NUP133: variants seen among roughly 807,000 people sequenced by gnomAD.
The protein encoded by NUP133 is nucleoporin 133, also known as nuclear pore complex protein Nup133.
In NUP133, 66 loss-of-function variants were observed where a neutral mutation model predicts 146.2. The ratio of observed to expected loss-of-function variants is 0.45; its 90% CI spans 0.37 to 0.55. The LOEUF is 0.55. Among genes scored for constraint, NUP133 ranks in the 20% least tolerant of loss-of-function variants. The pLI is 0.00. For synonymous variants in NUP133, 521 were observed against 498.8 expected (o/e 1.04, Z -0.59); for missense variants, 1,277 against 1,374.8 (o/e 0.93, Z 1.12).
intron 6 of NUP133, among the ~76,000 whole-genome samples, chr1:229,497,860 T>C (rs187704479): frequency 1.0e-3 from 153 of 152,328 alleles, no homozygotes; most frequent in African/African-American, 3.5e-3. Context: ...AATTAATCTT[T>C]AAGAAACACA....
At chr1:229,506,449 GTTT>G (rs35852954) in intron 1 of NUP133, among the ~76,000 whole-genome samples, 1 of 107,438 alleles carries the variant, frequency 9.3e-6, no homozygotes, top group Non-Finnish European at 2.0e-5. Flanking sequence ...CTAGACCAGT[GTTT>G]TTTTTTTTTT....
At position 229,470,753 on chromosome 1, in the gene NUP133, C is replaced by T. The variant is rs1049900031; in HGVS notation, c.1903G>A (p.Ala635Thr). The T allele has an allele frequency of 5.0e-6, 8 of 1,614,032 alleles. No individual in the cohort carries two copies. Among genetic ancestry groups the T allele is most frequent in the African/African-American group, 1.3e-5 (1 of 74,904 alleles). Residue 635 changes from alanine (A) to threonine (T), a missense_variant, in exon 15 of 26, where the codon GCC becomes ACC. Ala to Thr is a moderately conservative substitution (Grantham distance 58). Coordinates refer to ENST00000261396, the MANE Select transcript of NUP133 (RefSeq NM_018230.3). ...GSFPVRGTPM[A>T]TRLLLCEHAE... is the part of the protein sequence containing the mutation. ...TGCTCACAGAGCAACAGTCGAGTGG[C>T]CATCGGTGTCCCTCTAACTGGAAAA...
At position 229,508,336 on chromosome 1, in the gene NUP133, G is replaced by GA; in HGVS notation, c.-88dup. The GA allele has an allele frequency of 2.0e-6, 2 of 1,019,324 alleles. No homozygotes were observed. Among genetic ancestry groups the GA allele is most frequent in the Non-Finnish European group, 2.7e-6 (2 of 746,010 alleles). 63.1% of individuals were successfully genotyped at this position (1,019,324 alleles called of 1,614,324 possible). On this transcript the variant is annotated 5_prime_UTR_variant, in exon 1 of 26. Coordinates refer to ENST00000261396, the MANE Select transcript of NUP133 (RefSeq NM_018230.3). ...GCGCGCGGAACTTAAACACCTAAGG[G>GA]AAGAGATGGCGCGCGATGATGACGT... is the stretch of plus-strand genomic sequence containing the variant.
chr1:229,463,391 C>T (rs1242071313), intron 19 of NUP133, 152 bp downstream of exon 19: 8 of 871,842 alleles, frequency 9.2e-6, no homozygotes, highest in African/African-American at 1.8e-5. Flanking sequence ...TACAAAGAAA[C>T]GCGACATACA....
intron 24 of NUP133, among the ~76,000 whole-genome samples, chr1:229,447,250 C>A (rs1260851508): frequency 1.6e-4 from 25 of 152,178 alleles, no homozygotes; most frequent in Admixed American, 1.6e-3. Context: ...CTATTCTTAA[C>A]TATTAAAATA....
chr1:229,449,355 G>C (rs1384315448), intron 23 of NUP133, among the ~76,000 whole-genome samples, 165 bp from the exon 24 acceptor site: 1 of 151,724 alleles, frequency 6.6e-6, no homozygotes, highest in Non-Finnish European at 1.5e-5. Context: ...AACCTTGAGA[G>C]GGGTAAGAGT....
Position 229,460,690 on chromosome 1 carries a change from T to A in NUP133, c.2765A>T (p.His922Leu). 1 of 1,614,122 alleles carries A rather than the reference T, an allele frequency of 6.2e-7. No individual in the cohort carries two copies. Among genetic ancestry groups the A allele is most frequent in the Admixed American group, 1.7e-5 (1 of 60,024 alleles). The change falls in exon 20 of 26, where the codon CAT becomes CTT. Residue 922 changes from histidine (H) to leucine (L), a missense_variant. This residue lies in a region of NUP133 where 952 missense variants were observed against 1,047.0 expected (regional missense o/e 0.91). Coordinates refer to ENST00000261396, the MANE Select transcript of NUP133 (RefSeq NM_018230.3). ...GKLLSQPISQ[H>L]GQLANFLQAH... ...TTGCAAAAAATTTGCCAACTGTCCA[T>A]GCTGAGAAATGGGCTGAGATAATAA...
intron 15 of NUP133, 111 bp from the exon 16 acceptor site, chr1:229,466,867 G>A: frequency 2.4e-6 from 2 of 838,294 alleles, no homozygotes; most frequent in South Asian, 3.7e-5. Flanking sequence ...ATAGATGGAG[G>A]AAAATTTATT....
chr1:229,467,298 C>A (rs1333886136), intron 15 of NUP133, among the ~76,000 whole-genome samples: 1 of 152,208 alleles, frequency 6.6e-6, no homozygotes, highest in Admixed American at 6.5e-5. Flanking sequence ...AAAATACCAT[C>A]AGGCACTGAA....
intron 6 of NUP133, among the ~76,000 whole-genome samples, chr1:229,497,659 T>C (rs780800380): frequency 2.0e-5 from 3 of 152,164 alleles, no homozygotes; most frequent in Non-Finnish European, 4.4e-5. Flanking sequence ...GATTACACAA[T>C]ATGAATATAA....
At chr1:229,466,873 T>G in intron 15 of NUP133, 117 bp from the exon 16 acceptor site, 1 of 737,946 alleles carries the variant, frequency 1.4e-6, no homozygotes, top group African/African-American at 1.8e-5. Context: ...GGAGGAAAAT[T>G]TATTGGCAGT....
At chr1:229,446,776 T>C (rs897571738) in intron 24 of NUP133, among the ~76,000 whole-genome samples, 4 of 150,624 alleles carry the variant, frequency 2.7e-5, no homozygotes, top group African/African-American at 4.9e-5. Context: ...AATAAATAAA[T>C]AAAACAAAAT....
intron 4 of NUP133, 86 bp downstream of exon 4, chr1:229,500,670 T>C: frequency 1.3e-6 from 1 of 746,012 alleles, no homozygotes; most frequent in Non-Finnish European, 2.2e-6. Flanking sequence ...TATAGTTATA[T>C]CTCAAAATCA....
intron 6 of NUP133, among the ~76,000 whole-genome samples, chr1:229,497,585 GCTGAGGGTGCTTCCTCAT>G (rs1661685026): frequency 6.6e-6 from 1 of 152,182 alleles, no homozygotes; most frequent in African/African-American, 2.4e-5. Flanking sequence ...CTTCAGCCTT[GCTGAGGGTGCTTCCTCAT>G]CTGTAAACTG....
chr1:229,498,320 T>G lies in NUP133; in HGVS notation c.649-14A>C. Reference sequence around the variant, plus strand: ...AAAACTTCCTCCCTGTGAAAAAACATTATGAGGTTAGTTCAGTTTAGCATC... The same window carrying G: ...AAAACTTCCTCCCTGTGAAAAAACAGTATGAGGTTAGTTCAGTTTAGCATC... On this transcript the variant is annotated splice_polypyrimidine_tract_variant and intron_variant, in intron 5 of 25. Coordinates refer to ENST00000261396, the MANE Select transcript of NUP133 (RefSeq NM_018230.3). The G allele has an allele frequency of 2.6e-6, 4 of 1,561,432 alleles. No individual in the cohort carries two copies. The highest frequency in any genetic ancestry group is 3.4e-6 in the Non-Finnish European group (4 of 1,159,584).
chr1:229,503,917 C>T (rs1054908867), intron 2 of NUP133, among the ~76,000 whole-genome samples: 1 of 151,898 alleles, frequency 6.6e-6, no homozygotes, highest in Non-Finnish European at 1.5e-5. Context: ...ATGAGTAGTA[C>T]ATTAAAAGGT....
intron 13 of NUP133, 50 bp from the exon 14 acceptor site, chr1:229,475,782 A>T (rs1661060487): frequency 7.1e-7 from 1 of 1,407,442 alleles, no homozygotes; most frequent in Non-Finnish European, 1.0e-6. Context: ...TTACAACTAT[A>T]CTATTTTAAT....
chr1:229,492,846 T>C (rs1661560050), intron 8 of NUP133, among the ~76,000 whole-genome samples: 1 of 151,810 alleles, frequency 6.6e-6, no homozygotes, highest in Non-Finnish European at 1.5e-5. Flanking sequence ...CACTAAAATT[T>C]CAGAAATCAC....
Position 229,508,106 on chromosome 1 carries a change from G to T in NUP133, c.144C>A (p.Leu48=). The T allele has an allele frequency of 6.6e-7, 1 of 1,525,964 alleles. No homozygotes were observed. The allele number at this position is 1,525,964 out of a possible 1,614,324, so 94.5% of individuals were successfully genotyped here. The stretch of plus-strand genomic sequence containing the variant: ...AGCTACGCCGGCCGACCGGCGAGAA[G>T]AGCACTGGGGAGCTGACTGCAGACC... ...PLGSAVSSPV[L]FSPVGRRSSL... Residue 48 remains leucine (L), a synonymous_variant, in exon 1 of 26, where the codon CTC becomes CTA. Transcript: ENST00000261396.
Sources: gnomAD v4.1 joint callset for allele counts (sites outside exome capture counted in the v4.1 genomes callset) on GRCh38, gnomAD v4.1.1 for gene constraint, gnomAD v4.1.1 regional missense constraint, MANE v1.5 for transcripts, NCBI Gene and HGNC (gene_info 2026-07-23, HGNC 2026-07-21) for gene names.